Variants in GLMN observed in about 807,000 individuals in gnomAD.
GLMN encodes glomulin, FKBP associated protein.
A neutral mutation model predicts 87.8 loss-of-function variants in GLMN; 75 were observed. The observed-to-expected ratio is 0.85, with a 90% CI of 0.71 to 1.04. The LOEUF (loss-of-function observed/expected upper bound fraction) is 1.04. Among genes scored for constraint, GLMN ranks in the 50% least tolerant of loss-of-function variants. The pLI is 0.00. For synonymous variants in GLMN, 206 were observed against 221.6 expected, an observed-to-expected ratio of 0.93 and a Z score of 0.63; for missense variants, 588 against 658.8, an observed-to-expected ratio of 0.89 and a Z score of 1.18.
chr1:92,260,726 A>C (rs1321116873), intron 16 of GLMN, among the ~76,000 whole-genome samples: 6 of 141,308 alleles, frequency 4.2e-5, no homozygotes. Flanking sequence ...ACTGTACTCC[A>C]GCCTGGGCAA....
the GLMN span, among the ~76,000 whole-genome samples, chr1:92,344,652 C>G: frequency 6.6e-6 from 1 of 152,058 alleles, no homozygotes; most frequent in African/African-American, 2.4e-5. Context: ...TGTTTATATG[C>G]ATTTTCAACT....
chr1:92,336,501 CAGAG>C, the GLMN span: 11 of 1,000,880 alleles, frequency 1.1e-5, no homozygotes, highest in East Asian at 2.7e-4. Flanking sequence ...TCCAAAGGCA[CAGAG>C]AAAGTAAGTG....
intron 1 of GLMN, among the ~76,000 whole-genome samples, chr1:92,298,496 T>A (rs1031990618): frequency 6.6e-6 from 1 of 152,160 alleles, no homozygotes; most frequent in Non-Finnish European, 1.5e-5. Flanking sequence ...CTCACAAAAA[T>A]TGGGGTGCAA....
chr1:92,280,772 A>G (rs1057336795), intron 7 of GLMN, among the ~76,000 whole-genome samples: 3 of 152,208 alleles, frequency 2.0e-5, no homozygotes, highest in African/African-American at 7.2e-5. Flanking sequence ...GAAGCACTTA[A>G]ATGACCTGAT....
chr1:92,356,099 CT>C, the GLMN span, among the ~76,000 whole-genome samples: 1 of 151,862 alleles, frequency 6.6e-6, no homozygotes, highest in African/African-American at 2.4e-5. Flanking sequence ...AACTGTGGGC[CT>C]TTTTTTCCTC....
the GLMN span, among the ~76,000 whole-genome samples, chr1:92,358,857 G>T: frequency 6.6e-6 from 1 of 152,124 alleles, no homozygotes; most frequent in Non-Finnish European, 1.5e-5. Flanking sequence ...AAAGTGCTGG[G>T]ATTACAGGTG....
intron 5 of GLMN, among the ~76,000 whole-genome samples, 192 bp from the exon 6 acceptor site, chr1:92,289,343 T>C (rs1649135186): frequency 6.6e-6 from 1 of 152,206 alleles, no homozygotes; most frequent in Non-Finnish European, 1.5e-5. Context: ...CATCTTGCCA[T>C]GAAATGCTGT....
At chr1:92,318,392 A>G in the GLMN span, among the ~76,000 whole-genome samples, 1 of 152,202 alleles carries the variant, frequency 6.6e-6, no homozygotes, top group Non-Finnish European at 1.5e-5. Flanking sequence ...TTAGTTACAT[A>G]TAGATTTGGG....
chr1:92,346,963 A>G, the GLMN span, among the ~76,000 whole-genome samples: 3 of 152,314 alleles, frequency 2.0e-5, no homozygotes, highest in Middle Eastern at 6.8e-3. Context: ...TTATGAATCA[A>G]TCTCATAGCC....
At chr1:92,321,944 C>CT in the GLMN span, among the ~76,000 whole-genome samples, 1,093 of 106,014 alleles carry the variant, frequency 0.01, 9 homozygotes, top group Non-Finnish European at 0.014. Flanking sequence ...AATTTTCTTT[C>CT]TTTTTTTTTT....
At chr1:92,257,017 G>A (rs887954786) in intron 16 of GLMN, among the ~76,000 whole-genome samples, 1 of 152,206 alleles carries the variant, frequency 6.6e-6, no homozygotes. Context: ...CATCATCCCA[G>A]TGCAAAATCT....
intron 16 of GLMN, among the ~76,000 whole-genome samples, chr1:92,260,187 C>T (rs151001815): frequency 8.1e-4 from 123 of 152,280 alleles, no homozygotes; most frequent in African/African-American, 2.9e-3. Flanking sequence ...GGCTTTTAAG[C>T]GCCTAAAAGA....
At chr1:92,279,896 C>T (rs1006349406) in intron 7 of GLMN, among the ~76,000 whole-genome samples, 6 of 151,954 alleles carry the variant, frequency 3.9e-5, no homozygotes, top group South Asian at 2.1e-4. Flanking sequence ...TGCAGCTAGA[C>T]GGGAAGGGGT....
intron 4 of GLMN, among the ~76,000 whole-genome samples, chr1:92,290,949 T>C (rs1055363233): frequency 6.0e-4 from 91 of 152,340 alleles, no homozygotes; most frequent in African/African-American, 2.2e-3. Context: ...AACTGATCTG[T>C]ATTCTACCCT....
the GLMN span, among the ~76,000 whole-genome samples, chr1:92,319,432 T>C: frequency 7.9e-5 from 12 of 152,180 alleles, no homozygotes; most frequent in African/African-American, 2.9e-4. Flanking sequence ...TGAGGATCAA[T>C]ATCTGTAAAG....
intron 7 of GLMN, among the ~76,000 whole-genome samples, chr1:92,283,907 T>C (rs540002572): frequency 6.6e-6 from 1 of 152,210 alleles, no homozygotes; most frequent in East Asian, 1.9e-4. Flanking sequence ...GGAATCCAAC[T>C]TACACGGGAT....
the GLMN span, among the ~76,000 whole-genome samples, chr1:92,312,209 A>T: frequency 6.6e-6 from 1 of 152,176 alleles, no homozygotes; most frequent in South Asian, 2.1e-4. Flanking sequence ...AAGACATTTG[A>T]GACCAGCCTG....
chr1:92,253,715 A>G (rs1422929552), intron 16 of GLMN, among the ~76,000 whole-genome samples: 1 of 152,228 alleles, frequency 6.6e-6, no homozygotes, highest in Non-Finnish European at 1.5e-5. Flanking sequence ...ACACAAAGCA[A>G]TAGCATTAAC....
chr1:92,357,541 TTTTG>T, the GLMN span, among the ~76,000 whole-genome samples: 2 of 152,194 alleles, frequency 1.3e-5, no homozygotes, highest in East Asian at 3.8e-4. Context: ...GATGGATTTT[TTTTG>T]TTTGTTTTCA....
Sources: allele counts gnomAD v4.1 joint callset (sites outside exome capture counted in the v4.1 genomes callset), GRCh38; gene constraint gnomAD v4.1.1; transcripts MANE v1.5; gene names NCBI Gene and HGNC (gene_info 2026-07-23, HGNC 2026-07-21).